Variants in FSTL5 observed in about 807,000 individuals in gnomAD.
FSTL5 encodes follistatin like 5.
In FSTL5, 62 loss-of-function variants were observed where a neutral mutation model predicts 89.1. The ratio of observed to expected loss-of-function variants is 0.70; its 90% CI spans 0.57 to 0.86. FSTL5 has a LOEUF of 0.86. FSTL5 is among the 40% of genes least tolerant of loss of function. The pLI is 0.00. For missense variants in FSTL5, 1,057 were observed against 1,001.6 expected, an observed-to-expected ratio of 1.06 and a Z score of -0.75; for synonymous variants, 383 against 346.2, an observed-to-expected ratio of 1.11 and a Z score of -1.18.
chr4:161,969,514 A>G (rs1407793934), intron 3 of FSTL5, among the ~76,000 whole-genome samples: 3 of 152,030 alleles, frequency 2.0e-5, no homozygotes, highest in Admixed American at 6.6e-5. Context: ...TTGGTTTTGG[A>G]AAAAAAATCA....
At chr4:161,678,945 C>G (rs190154233) in intron 6 of FSTL5, among the ~76,000 whole-genome samples, 1 of 151,622 alleles carries the variant, frequency 6.6e-6, no homozygotes, top group African/African-American at 2.4e-5. Flanking sequence ...TCATTAAAAA[C>G]AAACAATGGT....
intron 4 of FSTL5, among the ~76,000 whole-genome samples, chr4:161,861,235 C>G (rs891862472): frequency 6.6e-6 from 1 of 152,072 alleles, no homozygotes; most frequent in Non-Finnish European, 1.5e-5. Context: ...CCAGCCTGGC[C>G]AACATGGTGA....
At chr4:162,075,023 C>T (rs1729780185) in intron 2 of FSTL5, among the ~76,000 whole-genome samples, 1 of 151,566 alleles carries the variant, frequency 6.6e-6, no homozygotes, top group Non-Finnish European at 1.5e-5. Context: ...AACTTATAAC[C>T]ACAACCCCAA....
chr4:161,643,795 G>A (rs1736046219), intron 7 of FSTL5, among the ~76,000 whole-genome samples: 1 of 152,190 alleles, frequency 6.6e-6, no homozygotes, highest in South Asian at 2.1e-4. Flanking sequence ...ATAAACATCA[G>A]TTGATTGATA....
At chr4:161,903,773 GTT>G (rs35038945) in intron 4 of FSTL5, among the ~76,000 whole-genome samples, 1 of 149,340 alleles carries the variant, frequency 6.7e-6, no homozygotes, top group Non-Finnish European at 1.5e-5. Context: ...TACATTTAGT[GTT>G]TTTTTTTTCT....
In FSTL5 at chr4:161,513,272, G is replaced by GGAGAGAGA. The variant is rs6148753; in HGVS notation, c.1313-2856_1313-2849dup. Among the ~76,000 whole-genome samples, 685 of 109,992 alleles carry GGAGAGAGA rather than the reference G, an allele frequency of 6.2e-3. 45 individuals carry two copies. The highest frequency in any genetic ancestry group is 0.017 in the African/African-American group (487 of 28,546). 72.2% of individuals were successfully genotyped at this position (109,992 alleles called of 152,430 possible). A position where few individuals can be genotyped will look rare whatever the true frequency, so the allele number is the denominator to read the frequency against. ...ACTGAACTGAACCAAACAAGGAGGG[G>GGAGAGAGA]GAGAGAGAGAGAGAGAGAGAGAGAG... On this transcript the variant is annotated intron_variant, in intron 10 of 15. Coordinates refer to ENST00000306100, the MANE Select transcript of FSTL5 (RefSeq NM_020116.5).
chr4:161,582,615 G>A (rs536560435), intron 8 of FSTL5, among the ~76,000 whole-genome samples: 1 of 152,232 alleles, frequency 6.6e-6, no homozygotes, highest in Non-Finnish European at 1.5e-5. Flanking sequence ...TAGGGCTGTG[G>A]TTTTGTAACT....
intron 4 of FSTL5, among the ~76,000 whole-genome samples, chr4:161,890,922 T>C (rs1016656737): frequency 2.0e-5 from 3 of 152,034 alleles, no homozygotes; most frequent in African/African-American, 7.2e-5. Flanking sequence ...ATATACTGTC[T>C]CTAACTCAAA....
intron 15 of FSTL5, among the ~76,000 whole-genome samples, chr4:161,412,667 A>C (rs75866343): frequency 2.0e-5 from 3 of 152,142 alleles, no homozygotes; most frequent in African/African-American, 7.2e-5. Context: ...AAAACAAAAC[A>C]AAACCAAAAC....
At chr4:161,778,199 C>T (rs1027789470) in intron 4 of FSTL5, among the ~76,000 whole-genome samples, 1 of 152,034 alleles carries the variant, frequency 6.6e-6, no homozygotes. Context: ...TTACAATGGC[C>T]TCATGATGAG....
intron 4 of FSTL5, among the ~76,000 whole-genome samples, chr4:161,818,000 G>A (rs373436654): frequency 1.3e-5 from 2 of 152,218 alleles, no homozygotes; most frequent in African/African-American, 4.8e-5. Context: ...TTGCGCAAAT[G>A]TAGCATTTCC....
intron 4 of FSTL5, among the ~76,000 whole-genome samples, chr4:161,891,462 A>C (rs1579172438): frequency 6.6e-6 from 1 of 152,100 alleles, no homozygotes; most frequent in South Asian, 2.1e-4. Flanking sequence ...CAGTTTACCC[A>C]TCTGGTTTCA....
intron 2 of FSTL5, among the ~76,000 whole-genome samples, chr4:162,086,504 G>C (rs914391793): frequency 4.6e-5 from 7 of 151,778 alleles, no homozygotes; most frequent in African/African-American, 1.7e-4. Context: ...AATATGTCAT[G>C]CACTACCGTT....
chr4:161,420,882 T>TATAA (rs1236529534), intron 15 of FSTL5, among the ~76,000 whole-genome samples: 5 of 150,730 alleles, frequency 3.3e-5, no homozygotes, highest in Non-Finnish European at 5.9e-5. Context: ...TGGTATTAAA[T>TATAA]ATAAATAAAT....
chr4:161,780,996 G>T (rs1467651966), intron 4 of FSTL5, among the ~76,000 whole-genome samples: 1 of 152,080 alleles, frequency 6.6e-6, no homozygotes, highest in Non-Finnish European at 1.5e-5. Context: ...GATAGAATTT[G>T]ATTAGTTTGA....
chr4:161,539,318 T>C (rs149150938), intron 9 of FSTL5, among the ~76,000 whole-genome samples: 333 of 151,952 alleles, frequency 2.2e-3, no homozygotes, highest in Non-Finnish European at 3.6e-3. Flanking sequence ...TCAGTGTGGT[T>C]TGGGAAAACA....
intron 15 of FSTL5, among the ~76,000 whole-genome samples, chr4:161,433,639 A>G (rs1732458360): frequency 6.6e-6 from 1 of 152,166 alleles, no homozygotes; most frequent in Non-Finnish European, 1.5e-5. Context: ...TGCAGATGAT[A>G]TAATCTTATA....
intron 15 of FSTL5, among the ~76,000 whole-genome samples, chr4:161,409,828 A>G (rs553606404): frequency 6.6e-6 from 1 of 152,234 alleles, no homozygotes; most frequent in African/African-American, 2.4e-5. Flanking sequence ...ACATCTATAT[A>G]TTAAATAACA....
At chr4:161,951,640 C>T (rs1734898380) in intron 3 of FSTL5, among the ~76,000 whole-genome samples, 1 of 151,868 alleles carries the variant, frequency 6.6e-6, no homozygotes, top group Non-Finnish European at 1.5e-5. Context: ...TGAAATTAAC[C>T]TAGTTATTAA....
Sources: gnomAD v4.1 joint callset for allele counts (sites outside exome capture counted in the v4.1 genomes callset) on GRCh38, gnomAD v4.1.1 for gene constraint, MANE v1.5 for transcripts, NCBI Gene and HGNC (gene_info 2026-07-23, HGNC 2026-07-21) for gene names.